Variants in SLC35F3 observed in about 807,000 individuals in gnomAD.
SLC35F3 encodes the protein solute carrier family 35 member F3.
In SLC35F3, 25 loss-of-function variants were observed where a neutral mutation model predicts 49.9. The observed-to-expected ratio is 0.50, with a 90% confidence interval of 0.37 to 0.70. The LOEUF is 0.70. Ranked by LOEUF, SLC35F3 falls within the 30% of genes least tolerant of loss-of-function variation. SLC35F3 has a pLI of 0.00. For synonymous variants in SLC35F3, 275 were observed against 265.4 expected, an observed-to-expected ratio of 1.04 and a Z score of -0.35; for missense variants, 525 against 639.8, an observed-to-expected ratio of 0.82 and a Z score of 1.94.
At chr1:234,216,054 T>C (rs2102942505) in intron 2 of SLC35F3, among the ~76,000 whole-genome samples, 1 of 151,800 alleles carries the variant, frequency 6.6e-6, no homozygotes, top group East Asian at 1.9e-4. Flanking sequence ...CAGGAATGAC[T>C]TGATATCAGC....
intron 2 of SLC35F3, among the ~76,000 whole-genome samples, chr1:234,154,217 C>A (rs1666117898): frequency 6.6e-6 from 1 of 152,166 alleles, no homozygotes; most frequent in Non-Finnish European, 1.5e-5. Flanking sequence ...CGCCACAGCA[C>A]TCCAGCCGGA....
intron 2 of SLC35F3, among the ~76,000 whole-genome samples, chr1:233,942,781 C>T (rs1662449651): frequency 1.3e-5 from 2 of 152,194 alleles, no homozygotes; most frequent in South Asian, 2.1e-4. Context: ...CTATGTTGTA[C>T]AGCAGATCTA....
intron 2 of SLC35F3, among the ~76,000 whole-genome samples, chr1:234,128,687 C>T (rs1050390732): frequency 6.6e-6 from 1 of 152,140 alleles, no homozygotes. Flanking sequence ...CATGGGTATG[C>T]AAAGGCATGT....
intron 3 of SLC35F3, among the ~76,000 whole-genome samples, chr1:234,243,598 G>A (rs1212901623): frequency 6.6e-6 from 1 of 152,210 alleles, no homozygotes; most frequent in Non-Finnish European, 1.5e-5. Flanking sequence ...TGTAGGAGGT[G>A]TAATAGATCT....
chr1:233,925,274 C>T lies in SLC35F3; in HGVS notation c.283+19516C>T, dbSNP rs190896787. ...TATTATTGTGTGGGAGTCTGAGTCTCTTTGTAGGTCTCTAAGGACTTGCTT... is the reference window on the plus strand; with the variant it reads ...TATTATTGTGTGGGAGTCTGAGTCTTTTTGTAGGTCTCTAAGGACTTGCTT... On this transcript the variant is annotated intron_variant, in intron 2 of 7. Coordinates refer to ENST00000366618, the MANE Select transcript of SLC35F3 (RefSeq NM_173508.4). Among the ~76,000 whole-genome samples, 18 of 152,238 alleles carry T rather than the reference C, an allele frequency of 1.2e-4. No homozygotes were observed. The East Asian group carries it at 3.1e-3, about 26-fold the overall frequency.
At chr1:234,039,691 G>C (rs1664192708) in intron 2 of SLC35F3, among the ~76,000 whole-genome samples, 1 of 152,156 alleles carries the variant, frequency 6.6e-6, no homozygotes, top group African/African-American at 2.4e-5. Flanking sequence ...CCCATGACAG[G>C]GGTGCTCCAT....
chr1:234,032,808 G>A (rs1357936596), intron 2 of SLC35F3, among the ~76,000 whole-genome samples: 1 of 152,134 alleles, frequency 6.6e-6, no homozygotes, highest in Non-Finnish European at 1.5e-5. Flanking sequence ...GCAGTTGCAA[G>A]TTGTGCTGCT....
At chr1:234,224,534 C>G (rs898346358) in intron 2 of SLC35F3, among the ~76,000 whole-genome samples, 4 of 152,230 alleles carry the variant, frequency 2.6e-5, no homozygotes, top group African/African-American at 9.6e-5. Flanking sequence ...TCAGTCTTTT[C>G]CATGTTACAA....
chr1:234,115,313 G>A (rs1024311267), intron 2 of SLC35F3, among the ~76,000 whole-genome samples: 1 of 152,148 alleles, frequency 6.6e-6, no homozygotes, highest in Non-Finnish European at 1.5e-5. Flanking sequence ...CTGCCTATGC[G>A]TGGACTTGTG....
intron 2 of SLC35F3, among the ~76,000 whole-genome samples, chr1:234,013,377 A>AT (rs1240727032): frequency 6.6e-6 from 1 of 152,146 alleles, no homozygotes; most frequent in African/African-American, 2.4e-5. Flanking sequence ...ATAAGCACTT[A>AT]TGTCAAAAAA....
intron 3 of SLC35F3, among the ~76,000 whole-genome samples, chr1:234,286,942 G>A (rs1199073444): frequency 1.3e-5 from 2 of 152,232 alleles, no homozygotes; most frequent in African/African-American, 4.8e-5. Context: ...GGCCAAGGCA[G>A]GAGGATTGCT....
intron 3 of SLC35F3, among the ~76,000 whole-genome samples, chr1:234,232,519 CAAAAAAAA>C (rs536692686): frequency 5.9e-4 from 43 of 72,366 alleles, no homozygotes; most frequent in East Asian, 2.5e-3. Flanking sequence ...CAGGCCTAGT[CAAAAAAAA>C]AAAAAAAAAA....
intron 2 of SLC35F3, among the ~76,000 whole-genome samples, chr1:234,068,855 ATG>A (rs1664662094): frequency 8.5e-6 from 1 of 118,076 alleles, no homozygotes; most frequent in Non-Finnish European, 1.7e-5. Flanking sequence ...ATATATATAT[ATG>A]GCATATTTAT....
At chr1:234,297,311 A>G (rs1668619091) in intron 3 of SLC35F3, among the ~76,000 whole-genome samples, 1 of 152,220 alleles carries the variant, frequency 6.6e-6, no homozygotes, top group Admixed American at 6.5e-5. Context: ...TATATATACA[A>G]AGGAACTGAA....
chr1:234,087,410 C>T (rs993235262), intron 2 of SLC35F3, among the ~76,000 whole-genome samples: 3 of 152,148 alleles, frequency 2.0e-5, no homozygotes, highest in African/African-American at 7.2e-5. Flanking sequence ...GTCCACAATC[C>T]GAGGTTGCTC....
chr1:234,300,393 A>T (rs1173545719), intron 3 of SLC35F3, among the ~76,000 whole-genome samples: 2 of 152,232 alleles, frequency 1.3e-5, no homozygotes, highest in African/African-American at 4.8e-5. Context: ...GGATTTTTTA[A>T]GACAAATGGC....
At chr1:234,216,807 C>A (rs1239539132) in intron 2 of SLC35F3, among the ~76,000 whole-genome samples, 1 of 152,158 alleles carries the variant, frequency 6.6e-6, no homozygotes, top group East Asian at 1.9e-4. Context: ...TGAGGAGATG[C>A]AATAAGGTAG....
At chr1:233,979,997 G>T (rs959162277) in intron 2 of SLC35F3, among the ~76,000 whole-genome samples, 1 of 152,206 alleles carries the variant, frequency 6.6e-6, no homozygotes, top group Admixed American at 6.5e-5. Context: ...TCCACCAGTT[G>T]TGCCCCTCTA....
chr1:234,114,508 A>G (rs1383916068), intron 2 of SLC35F3, among the ~76,000 whole-genome samples: 1 of 152,220 alleles, frequency 6.6e-6, no homozygotes, highest in Non-Finnish European at 1.5e-5. Context: ...ATTGCAGAAT[A>G]CCGTGAGATA....
Sources: gnomAD v4.1 joint callset for allele counts (sites outside exome capture counted in the v4.1 genomes callset) on GRCh38, gnomAD v4.1.1 for gene constraint, MANE v1.5 for transcripts, NCBI Gene and HGNC (gene_info 2026-07-23, HGNC 2026-07-21) for gene names.